Variants in BRD10 observed in about 807,000 individuals in gnomAD.
The protein encoded by BRD10 is bromodomain containing 10.
At chr9:5,942,076 G>C in the BRD10 span, among the ~76,000 whole-genome samples, 2 of 151,940 alleles carry the variant, frequency 1.3e-5, no homozygotes, top group African/African-American at 2.4e-5. Flanking sequence ...CATTATCATA[G>C]ATAATGAATG....
the BRD10 span, among the ~76,000 whole-genome samples, chr9:5,938,964 T>C: frequency 6.6e-6 from 1 of 152,162 alleles, no homozygotes; most frequent in African/African-American, 2.4e-5. Context: ...CCTTATACTG[T>C]AGTACAACAG....
At chr9:5,965,691 G>C in the BRD10 span, among the ~76,000 whole-genome samples, 4 of 152,118 alleles carry the variant, frequency 2.6e-5, no homozygotes, top group African/African-American at 9.7e-5. Context: ...TATCAGTTTT[G>C]CAAAATGAAT....
the BRD10 span, chr9:6,008,165 C>G: frequency 1.0e-6 from 1 of 976,482 alleles, no homozygotes; most frequent in Admixed American, 6.2e-5. Flanking sequence ...CCCGGGCCAG[C>G]GGGGGGCTGG....
chr9:5,936,201 C>G, the BRD10 span, among the ~76,000 whole-genome samples: 1 of 152,028 alleles, frequency 6.6e-6, no homozygotes, highest in Non-Finnish European at 1.5e-5. Context: ...ACAAAATATC[C>G]AAAGATTAGC....
the BRD10 span, among the ~76,000 whole-genome samples, chr9:5,950,841 A>C: frequency 6.6e-6 from 1 of 152,136 alleles, no homozygotes; most frequent in South Asian, 2.1e-4. Flanking sequence ...CATATACTTT[A>C]GGTCATCTCT....
chr9:5,972,068 A>C, the BRD10 span, among the ~76,000 whole-genome samples: 1 of 152,226 alleles, frequency 6.6e-6, no homozygotes, highest in Non-Finnish European at 1.5e-5. Flanking sequence ...TACATGAACA[A>C]CAACAACAAA....
chr9:5,897,622 G>A, the BRD10 span: 1 of 1,614,108 alleles, frequency 6.2e-7, no homozygotes, highest in Non-Finnish European at 8.5e-7. Flanking sequence ...TGTTGGTATT[G>A]TAGAAGACGA....
At chr9:5,969,922 T>C in the BRD10 span, among the ~76,000 whole-genome samples, 82 of 152,332 alleles carry the variant, frequency 5.4e-4, no homozygotes, top group African/African-American at 1.9e-3. Context: ...GAAATACACA[T>C]ATCACTTCAG....
chr9:5,971,789 A>C, the BRD10 span, among the ~76,000 whole-genome samples: 1 of 152,122 alleles, frequency 6.6e-6, no homozygotes, highest in Admixed American at 6.5e-5. Context: ...CTCTGTACAG[A>C]GCTAGGACTC....
the BRD10 span, among the ~76,000 whole-genome samples, chr9:5,911,405 G>GTTTTTT: frequency 9.7e-6 from 1 of 103,586 alleles, no homozygotes; most frequent in Non-Finnish European, 2.0e-5. Flanking sequence ...GTCTATGTGT[G>GTTTTTT]TTTTTTTTTT....
At chr9:5,933,429 A>G in the BRD10 span, among the ~76,000 whole-genome samples, 1 of 152,220 alleles carries the variant, frequency 6.6e-6, no homozygotes, top group African/African-American at 2.4e-5. Flanking sequence ...TATAATTTAA[A>G]TTTGAAGCTT....
the BRD10 span, among the ~76,000 whole-genome samples, chr9:5,898,542 G>T: frequency 6.6e-6 from 1 of 152,148 alleles, no homozygotes; most frequent in African/African-American, 2.4e-5. Flanking sequence ...TATAGCACCT[G>T]TCTCTTTGGT....
the BRD10 span, among the ~76,000 whole-genome samples, chr9:5,954,925 T>C: frequency 6.6e-6 from 1 of 151,930 alleles, no homozygotes; most frequent in Non-Finnish European, 1.5e-5. Flanking sequence ...CCGTCTCTAC[T>C]AAAAATACAA....
At chr9:5,977,990 T>G in the BRD10 span, among the ~76,000 whole-genome samples, 1 of 152,172 alleles carries the variant, frequency 6.6e-6, no homozygotes, top group Admixed American at 6.5e-5. Flanking sequence ...GCTCAAAAAA[T>G]TAAGCCTTCA....
chr9:5,987,892 G>A, the BRD10 span, among the ~76,000 whole-genome samples: 1 of 152,094 alleles, frequency 6.6e-6, no homozygotes, highest in Non-Finnish European at 1.5e-5. Context: ...CATTAATTGA[G>A]CACACTTTTT....
At chr9:5,957,744 A>G in the BRD10 span, among the ~76,000 whole-genome samples, 50 of 152,162 alleles carry the variant, frequency 3.3e-4, no homozygotes, top group Non-Finnish European at 1.0e-4. Flanking sequence ...AAACAATTTC[A>G]GTATAAATTT....
At chr9:5,884,292 G>C in the BRD10 span, among the ~76,000 whole-genome samples, 1 of 152,132 alleles carries the variant, frequency 6.6e-6, no homozygotes, top group African/African-American at 2.4e-5. Flanking sequence ...TTTTTTCCCT[G>C]CTTAAAACCG....
At chr9:5,892,840 A>C in the BRD10 span, among the ~76,000 whole-genome samples, 1 of 152,126 alleles carries the variant, frequency 6.6e-6, no homozygotes, top group Admixed American at 6.5e-5. Flanking sequence ...AAGTGGAAAA[A>C]CATCTGTTCA....
At chr9:5,915,153 TA>T in the BRD10 span, among the ~76,000 whole-genome samples, 210 of 152,230 alleles carry the variant, frequency 1.4e-3, 1 homozygote, top group East Asian at 0.035. Flanking sequence ...AGTTTTCCCT[TA>T]AAAAATACCT....
Sources: gnomAD v4.1 joint callset for allele counts (sites outside exome capture counted in the v4.1 genomes callset) on GRCh38, gnomAD v4.1.1 for gene constraint, MANE v1.5 for transcripts, NCBI Gene and HGNC (gene_info 2026-07-23, HGNC 2026-07-21) for gene names.